The following UBN2 variants were observed in gnomAD, a reference collection of about 807,000 sequenced individuals.
The protein encoded by UBN2 is ubinuclein-2.
A neutral mutation model predicts 120.2 loss-of-function variants in UBN2; 35 were observed. The observed-to-expected ratio is 0.29, with a 90% CI of 0.22 to 0.39. UBN2 has a LOEUF of 0.39. Among genes scored for constraint, UBN2 ranks in the 10% least tolerant of loss-of-function variants. The probability of loss-of-function intolerance (pLI) is 1.00; values close to 1 mark genes in which losing one functional copy is unlikely to be tolerated. For missense variants in UBN2, 1,693 were observed against 1,663.2 expected (o/e 1.02, Z -0.31); for synonymous variants, 661 against 648.7 (o/e 1.02, Z -0.29).
chr7:139,231,599 G>A lies in UBN2; in HGVS notation c.115G>A (p.Glu39Lys). 7.2e-7 allele frequency: 1 copy of A among 1,384,166 alleles called. No homozygotes were observed. Among genetic ancestry groups the A allele is most frequent in the Non-Finnish European group, 9.4e-7 (1 of 1,060,466 alleles). 85.7% of individuals were successfully genotyped at this position (1,384,166 alleles called of 1,614,324 possible). The change falls in exon 1 of 18, where the codon GAG becomes AAG. Residue 39 changes from glutamate to lysine, a missense_variant. Glu to Lys is a moderately conservative substitution (Grantham distance 56). Around this residue, in one of 5 missense-constraint regions of UBN2, gnomAD observed 663 missense variants for 591.2 expected, o/e 1.12. Transcript: ENST00000473989. ...GTACCCCCGCGAGCCCCCCCGGCTG[G>A]AGCCGCAGCCGTACCGCGAGCCGGC... ...PEYPREPPRL[E>K]PQPYREPARA...
chr7:139,330,051 G>A, the UBN2 span, among the ~76,000 whole-genome samples: 9 of 152,204 alleles, frequency 5.9e-5, no homozygotes, highest in Middle Eastern at 3.4e-3. Flanking sequence ...TACCATATGA[G>A]CCTGAAGTTC....
rs1175305885 is a variant in UBN2, at chr7:139,262,607, C to CA, written c.1395+867dup. ...GCGCGTGCCTGTAATCCCAGCTACT[C>CA]AGAGGCTGAGGCAGGAGAATTGCTT... On this transcript the variant is annotated intron_variant, in intron 6 of 17. Transcript: ENST00000473989. 2.7e-5 allele frequency among the ~76,000 whole-genome samples: 4 copies of CA among 150,916 alleles called. No homozygotes were observed. The East Asian group carries it at 7.8e-4, about 29-fold the overall frequency.
At chr7:139,322,089 T>A in the UBN2 span, among the ~76,000 whole-genome samples, 1 of 152,080 alleles carries the variant, frequency 6.6e-6, no homozygotes, top group East Asian at 1.9e-4. Context: ...TACTCTTGCC[T>A]CAGCCTTCGG....
At chr7:139,266,783 A>G (rs1797111165) in intron 7 of UBN2, among the ~76,000 whole-genome samples, 1 of 152,204 alleles carries the variant, frequency 6.6e-6, no homozygotes, top group Non-Finnish European at 1.5e-5. Context: ...ACTGGGGAAT[A>G]GTAATTCCGT....
At chr7:139,244,079 C>G (rs1003709750) in intron 2 of UBN2, among the ~76,000 whole-genome samples, 1 of 152,094 alleles carries the variant, frequency 6.6e-6, no homozygotes, top group African/African-American at 2.4e-5. Flanking sequence ...CCTTCCTACC[C>G]CTGACTCCCA....
the UBN2 span, among the ~76,000 whole-genome samples, chr7:139,322,617 C>CTTTTTTTT: frequency 2.2e-4 from 23 of 102,790 alleles, no homozygotes; most frequent in African/African-American, 7.8e-4. Context: ...ACCATCTGGA[C>CTTTTTTTT]TTTTTTTTTT....
At chr7:139,315,893 A>G in the UBN2 span, among the ~76,000 whole-genome samples, 1 of 152,060 alleles carries the variant, frequency 6.6e-6, no homozygotes, top group East Asian at 1.9e-4. Flanking sequence ...CCTGGCCAAC[A>G]TGGTGAAACC....
In UBN2 at chr7:139,283,143, C is replaced by G. The variant is rs748951906; in HGVS notation, c.2238C>G (p.Ala746=). Residue 746 remains alanine (A), a synonymous_variant, in exon 15 of 18, where the codon GCC becomes GCG. Transcript: ENST00000473989. The part of the protein sequence containing the change: ...IAAASSSSAP[A]QETICLDDSL... ...CAGCTAGCTCTAGCTCTGCACCAGC[C>G]CAAGAAACCATCTGCCTCGACGACT... 1.2e-5 allele frequency: 19 copies of G among 1,612,026 alleles called. No homozygotes were observed. In the East Asian group the frequency reaches 4.0e-4, roughly 34 times the overall value.
At chr7:139,292,924 G>A (rs1170468375) in intron 15 of UBN2, among the ~76,000 whole-genome samples, 1 of 152,210 alleles carries the variant, frequency 6.6e-6, no homozygotes, top group African/African-American at 2.4e-5. Context: ...AGTATTTTCA[G>A]AGACCGAGCT....
rs1417625851 is a variant in UBN2, at chr7:139,302,065, G to C, written c.*4229G>C. On this transcript the variant is annotated 3_prime_UTR_variant, in exon 18 of 18. Transcript: ENST00000473989. The stretch of plus-strand genomic sequence containing the variant: ...ACTCCTCTAAAACATGCTCAATTCA[G>C]GCCTTTGTCTTTGTTAAGTGCCTTT... 2.0e-5 allele frequency: 3 copies of C among 152,040 alleles called. No individual in the cohort carries two copies. Among genetic ancestry groups the C allele is most frequent in the Non-Finnish European group, 4.4e-5 (3 of 67,996 alleles). The allele number at this position is 152,040 out of a possible 1,614,324, so 9.4% of individuals were successfully genotyped here.
At chr7:139,316,308 T>G in the UBN2 span, among the ~76,000 whole-genome samples, 1 of 152,084 alleles carries the variant, frequency 6.6e-6, no homozygotes, top group Non-Finnish European at 1.5e-5. Context: ...ATATTAAGTA[T>G]AAAAGTACTT....
intron 3 of UBN2, 28 bp downstream of exon 3, chr7:139,252,085 C>T: frequency 1.3e-6 from 2 of 1,578,450 alleles, no homozygotes; most frequent in African/African-American, 2.7e-5. Flanking sequence ...AATATAGCAG[C>T]AAATTCATTG....
chr7:139,324,555 C>CAAAAAAAAA, the UBN2 span, among the ~76,000 whole-genome samples: 10 of 68,868 alleles, frequency 1.5e-4, no homozygotes, highest in Admixed American at 3.5e-4. Context: ...GACTCCATCT[C>CAAAAAAAAA]AAAAAAAAAA....
chr7:139,267,774 A>G (rs764609537), intron 7 of UBN2, among the ~76,000 whole-genome samples: 1 of 152,210 alleles, frequency 6.6e-6, no homozygotes, highest in East Asian at 1.9e-4. Context: ...TGCCGCTAGT[A>G]TGGTGGCAGA....
intron 8 of UBN2, among the ~76,000 whole-genome samples, chr7:139,271,601 T>A (rs908680587): frequency 5.3e-5 from 8 of 151,492 alleles, no homozygotes; most frequent in African/African-American, 1.9e-4. Context: ...AAAAAAAAAA[T>A]TGTTTCAGTA....
chr7:139,265,944 A>C (rs1033338639), intron 6 of UBN2, among the ~76,000 whole-genome samples: 4 of 152,136 alleles, frequency 2.6e-5, no homozygotes, highest in Admixed American at 2.0e-4. Flanking sequence ...AGTTTGTGGT[A>C]GTTTGCTATA....
chr7:139,309,887 C>G (rs943946082), downstream of UBN2, among the ~76,000 whole-genome samples: 1 of 152,096 alleles, frequency 6.6e-6, no homozygotes, highest in Non-Finnish European at 1.5e-5. Flanking sequence ...TACATACATG[C>G]ATTAGAAAAT....
chr7:139,306,586 C>T lies in UBN2; in HGVS notation c.*8750C>T, dbSNP rs1196389867. The T allele has an allele frequency of 5.3e-5, 8 of 152,168 alleles. No homozygotes were observed. The highest frequency in any genetic ancestry group is 2.0e-4 in the Admixed American group (3 of 15,282). The allele number at this position is 152,168 out of a possible 1,614,324, so 9.4% of individuals were successfully genotyped here. On this transcript the variant is annotated 3_prime_UTR_variant, in exon 18 of 18. Transcript: ENST00000473989. ...CCTTTCCCCATTAGAGGTAGGTTCCCAGCCTACAAGTATTTCCTGTGATCC... is the reference window on the plus strand; with the variant it reads ...CCTTTCCCCATTAGAGGTAGGTTCCTAGCCTACAAGTATTTCCTGTGATCC...
chr7:139,233,468 T>C (rs1458857486), intron 1 of UBN2, among the ~76,000 whole-genome samples: 2 of 152,204 alleles, frequency 1.3e-5, no homozygotes, highest in Admixed American at 1.3e-4. Context: ...TAACGACATT[T>C]ACTGGTTCTT....
Sources: allele counts gnomAD v4.1 joint callset (sites outside exome capture counted in the v4.1 genomes callset), GRCh38; gene constraint gnomAD v4.1.1; regional missense constraint gnomAD v4.1.1; transcripts MANE v1.5; gene names NCBI Gene and HGNC (gene_info 2026-07-23, HGNC 2026-07-21).